NOL10: variants seen among roughly 807,000 people sequenced by gnomAD.
NOL10 encodes the protein nucleolar protein 10.
A neutral mutation model predicts 103.5 loss-of-function variants in NOL10; 58 were observed. The ratio of observed to expected loss-of-function variants is 0.56; its 90% confidence interval spans 0.45 to 0.70. The LOEUF is 0.70. Among genes scored for constraint, NOL10 ranks in the 30% least tolerant of loss-of-function variants. NOL10 has a pLI of 0.00. For synonymous variants in NOL10, 287 were observed against 282.5 expected, an observed-to-expected ratio of 1.02 and a Z score of -0.16; for missense variants, 763 against 807.3, an observed-to-expected ratio of 0.95 and a Z score of 0.67.
intron 13 of NOL10, among the ~76,000 whole-genome samples, chr2:10,613,832 G>A (rs940215908): frequency 6.6e-6 from 1 of 151,848 alleles, no homozygotes; most frequent in African/African-American, 2.4e-5. Context: ...CTGTTTTCAG[G>A]ACACTCTAAA....
At chr2:10,598,299 T>C (rs1190726982) in intron 17 of NOL10, among the ~76,000 whole-genome samples, 1 of 152,238 alleles carries the variant, frequency 6.6e-6, no homozygotes, top group East Asian at 1.9e-4. Flanking sequence ...ACAGGACGCG[T>C]GTGTAACTGT....
At chr2:10,608,951 A>G (rs1676400452) in intron 13 of NOL10, among the ~76,000 whole-genome samples, 1 of 152,218 alleles carries the variant, frequency 6.6e-6, no homozygotes, top group African/African-American at 2.4e-5. Flanking sequence ...GACTCCAACC[A>G]TAAAAGACAA....
At chr2:10,606,360 C>G (rs1313148487) in intron 14 of NOL10, among the ~76,000 whole-genome samples, 2 of 151,770 alleles carry the variant, frequency 1.3e-5, no homozygotes. Flanking sequence ...CGTGGTGGCT[C>G]GCACCTGTAA....
intron 17 of NOL10, among the ~76,000 whole-genome samples, chr2:10,598,737 C>T (rs938103982): frequency 2.7e-4 from 41 of 151,886 alleles, no homozygotes; most frequent in African/African-American, 9.2e-4. Flanking sequence ...ATGCTGGCTC[C>T]GTATCAAAAG....
At chr2:10,649,642 C>T (rs1256437186) in intron 12 of NOL10, among the ~76,000 whole-genome samples, 2 of 152,104 alleles carry the variant, frequency 1.3e-5, no homozygotes, top group African/African-American at 2.4e-5. Context: ...TAATTAAATA[C>T]TGTGGATAAA....
At chr2:10,664,755 C>T (rs1680463582) in intron 8 of NOL10, among the ~76,000 whole-genome samples, 2 of 152,110 alleles carry the variant, frequency 1.3e-5, no homozygotes, top group African/African-American at 2.4e-5. Context: ...AGGCTGGTCT[C>T]GAACTCCTGG....
At chr2:10,603,305 TATAGAGA>T (rs1676083921) in intron 14 of NOL10, 148 bp from the exon 15 acceptor site, 1 of 622,104 alleles carries the variant, frequency 1.6e-6, no homozygotes, top group African/African-American at 1.8e-5. Context: ...CTTTGATATC[TATAGAGA>T]ACATTTAATC....
At chr2:10,676,638 C>CTTTT (rs1281732474) in intron 3 of NOL10, among the ~76,000 whole-genome samples, 1 of 135,336 alleles carries the variant, frequency 7.4e-6, no homozygotes, top group Non-Finnish European at 1.6e-5. Flanking sequence ...GGCACTTTGT[C>CTTTT]TTTTTTTTTT....
chr2:10,575,820 G>T (rs986278872), intron 20 of NOL10, among the ~76,000 whole-genome samples: 1 of 152,062 alleles, frequency 6.6e-6, no homozygotes, highest in Non-Finnish European at 1.5e-5. Flanking sequence ...AGTTTCAGAG[G>T]GAATCAACGA....
At chr2:10,661,518 T>C (rs991830144) in intron 9 of NOL10, among the ~76,000 whole-genome samples, 8 of 152,138 alleles carry the variant, frequency 5.3e-5, no homozygotes, top group Non-Finnish European at 7.4e-5. Flanking sequence ...ATTACAGGCA[T>C]GCACCACCAT....
chr2:10,645,684 C>G (rs551011850), intron 12 of NOL10, among the ~76,000 whole-genome samples: 1 of 152,118 alleles, frequency 6.6e-6, no homozygotes, highest in African/African-American at 2.4e-5. Context: ...CAGGCGCCCA[C>G]CACGCCTGGC....
In NOL10 at chr2:10,671,501, G is replaced by A. The variant is rs139722236; in HGVS notation, c.464+53C>T. 7,462 of 1,384,704 alleles carry A rather than the reference G, an allele frequency of 5.4e-3. 37 individuals are homozygous for A. The highest frequency in any genetic ancestry group is 0.012 in the Middle Eastern group (66 of 5,292). 85.8% of individuals were successfully genotyped at this position (1,384,704 alleles called of 1,614,324 possible). A position where few individuals can be genotyped will look rare whatever the true frequency, so the allele number is the denominator to read the frequency against. ...AAAATGTACACGAAATTTAGGAACAGAAGTTGGTTGTTTTAGGAGGTGAAA... is the reference window on the plus strand; with the variant it reads ...AAAATGTACACGAAATTTAGGAACAAAAGTTGGTTGTTTTAGGAGGTGAAA... On this transcript the variant is annotated intron_variant, in intron 6 of 20. Transcript: ENST00000381685.
chr2:10,668,852 A>G (rs1680725562), intron 6 of NOL10, 129 bp from the exon 7 acceptor site: 2 of 347,076 alleles, frequency 5.8e-6, no homozygotes, highest in East Asian at 9.8e-5. Context: ...ACAAAAACGT[A>G]TTCTAAATCT....
At chr2:10,618,154 G>A (rs973871161) in intron 13 of NOL10, among the ~76,000 whole-genome samples, 1 of 151,876 alleles carries the variant, frequency 6.6e-6, no homozygotes, top group Non-Finnish European at 1.5e-5. Context: ...TGGGATTATG[G>A]GTGGGTACCA....
At chr2:10,605,119 G>A (rs934394177) in intron 14 of NOL10, among the ~76,000 whole-genome samples, 27 of 152,192 alleles carry the variant, frequency 1.8e-4, no homozygotes, top group East Asian at 1.9e-4. Flanking sequence ...TTAAAGAGGC[G>A]AAGTGAATTG....
At chr2:10,643,581 T>G (rs1678862818) in intron 13 of NOL10, among the ~76,000 whole-genome samples, 1 of 152,170 alleles carries the variant, frequency 6.6e-6, no homozygotes, top group Non-Finnish European at 1.5e-5. Context: ...AAAAAAAGGT[T>G]TTTTTGGCAA....
chr2:10,609,566 C>T (rs1676446365), intron 13 of NOL10, among the ~76,000 whole-genome samples: 1 of 152,020 alleles, frequency 6.6e-6, no homozygotes, highest in African/African-American at 2.4e-5. Flanking sequence ...CGCCACTGCA[C>T]TCCAGCCTGG....
At chr2:10,623,520 A>C (rs1677267878) in intron 13 of NOL10, among the ~76,000 whole-genome samples, 1 of 152,214 alleles carries the variant, frequency 6.6e-6, no homozygotes, top group Admixed American at 6.5e-5. Flanking sequence ...TGTATACCAA[A>C]GTTCCTTATC....
At chr2:10,670,760 C>CA (rs987828252) in intron 6 of NOL10, among the ~76,000 whole-genome samples, 260 of 151,530 alleles carry the variant, frequency 1.7e-3, no homozygotes, top group African/African-American at 5.9e-3. Context: ...AACAAACAAA[C>CA]AAAAAAAACA....
Sources: gnomAD v4.1 joint callset for allele counts (sites outside exome capture counted in the v4.1 genomes callset) on GRCh38, gnomAD v4.1.1 for gene constraint, MANE v1.5 for transcripts, NCBI Gene and HGNC (gene_info 2026-07-23, HGNC 2026-07-21) for gene names.